PRKCSH: variants seen among roughly 807,000 people sequenced by gnomAD.
PRKCSH encodes glucosidase 2 subunit beta.
PRKCSH carries 42 observed loss-of-function variants against 79.7 expected under a neutral mutation model. That is an observed-to-expected ratio of 0.53 (90% confidence interval 0.41 to 0.68). The LOEUF is 0.68. PRKCSH is among the 30% of genes least tolerant of loss of function. The pLI, the probability that PRKCSH is intolerant of heterozygous loss-of-function variation, is 0.00. For missense variants in PRKCSH, 686 were observed against 709.0 expected (o/e 0.97, Z 0.37); for synonymous variants, 325 against 288.2 (o/e 1.13, Z -1.29).
chr19:11,436,098 G>T lies in PRKCSH; in HGVS notation c.-20G>T. On this transcript the variant is annotated 5_prime_UTR_variant, in exon 2 of 18. Transcript: ENST00000677123. ...CTTCCTCCCACAGAACCCGTTTCGG[G>T]CCTCAGAGCGTCTGGTGAGATGCTG... is the stretch of plus-strand genomic sequence containing the variant. 6.2e-7 allele frequency: 1 copy of T among 1,606,922 alleles called. No homozygotes were observed.
Position 11,448,713 on chromosome 19 carries a change from T to G in PRKCSH, c.1286+84T>G. 1.4e-6 allele frequency: 2 copies of G among 1,440,408 alleles called. No individual in the cohort carries two copies. The highest frequency in any genetic ancestry group is 2.0e-6 in the Non-Finnish European group (2 of 1,024,548). 89.2% of individuals were successfully genotyped at this position (1,440,408 alleles called of 1,614,324 possible). A position where few individuals can be genotyped will look rare whatever the true frequency, so the allele number is the denominator to read the frequency against. Reference sequence around the variant, plus strand: ...AGTGGCACCGGCAGTTTCCTGATGGTTGGGGAACCATCTGCGGGTGGGGCC... The same window carrying G: ...AGTGGCACCGGCAGTTTCCTGATGGGTGGGGAACCATCTGCGGGTGGGGCC... On this transcript the variant is annotated intron_variant, in intron 14 of 17. Transcript: ENST00000677123. The surrounding 1 kb of genome is among the most constrained non-coding windows in gnomAD (Gnocchi z 4.4).
intron 7 of PRKCSH, 23 bp downstream of exon 7, chr19:11,442,538 C>A (rs1383136395): frequency 6.2e-7 from 1 of 1,607,034 alleles, no homozygotes; most frequent in Non-Finnish European, 8.5e-7. Context: ...TGGCCAAGGA[C>A]TCACCTTCAG....
chr19:11,437,285 G>A lies in PRKCSH; in HGVS notation c.197-591G>A, dbSNP rs139738057. On this transcript the variant is annotated intron_variant, in intron 3 of 17. Coordinates refer to ENST00000677123, the MANE Select transcript of PRKCSH (RefSeq NM_001289104.2). ...GATCTCGTCACCTTGTGATCCACCC[G>A]CCTCGGCCTCCCAAAGTGTTGGGAT... is the stretch of plus-strand genomic sequence containing the variant. 1.5e-3 allele frequency among the ~76,000 whole-genome samples: 224 copies of A among 151,840 alleles called. 1 individual carries two copies. The highest frequency in any genetic ancestry group is 5.0e-3 in the African/African-American group (208 of 41,362).
rs559460587 is a variant in PRKCSH at position 11,448,085 on chromosome 19, C to T, written c.1127-137C>T. 18 of 987,472 alleles carry T rather than the reference C, an allele frequency of 1.8e-5. No individual in the cohort carries two copies. In the South Asian group the frequency reaches 2.3e-4, roughly 12 times the overall value. 61.2% of individuals were successfully genotyped at this position (987,472 alleles called of 1,614,324 possible). ...GGGGCTGCTCTATAGCTGGTGAGGC[C>T]CTCAAGGCTGTCGGGGTGAAGTCCT... is the stretch of plus-strand genomic sequence containing the variant. On this transcript the variant is annotated intron_variant, in intron 12 of 17. Coordinates refer to ENST00000677123, the MANE Select transcript of PRKCSH (RefSeq NM_001289104.2). The surrounding 1 kb of genome is among the most constrained non-coding windows in gnomAD (Gnocchi z 4.4).
Position 11,448,850 on chromosome 19 carries a change from G to C in PRKCSH, c.1287-64G>C, listed in dbSNP as rs954149697. 12 of 1,583,978 alleles carry C rather than the reference G, an allele frequency of 7.6e-6. No individual in the cohort carries two copies. Among genetic ancestry groups the C allele is most frequent in the Non-Finnish European group, 1.0e-5 (12 of 1,152,926 alleles). ...GTGGGGACTGGAGGAGGCGGTGGGG[G>C]GTGGCTGTGGGAGGAGGCTGGAATC... is the stretch of plus-strand genomic sequence containing the variant. On this transcript the variant is annotated intron_variant, in intron 14 of 17. Transcript: ENST00000677123. This position sits in a 1 kb window ranked among gnomAD's most constrained non-coding sequence, Gnocchi z 4.4.
At position 11,447,874 on chromosome 19, in the gene PRKCSH, T is replaced by C; in HGVS notation, c.1126+85T>C. Reference sequence around the variant, plus strand: ...ACAGGTCGAGGGAAGATCCTGAGCTTAGACCCTGCTCTGACTCGGCCAGCA... The same window carrying C: ...ACAGGTCGAGGGAAGATCCTGAGCTCAGACCCTGCTCTGACTCGGCCAGCA... On this transcript the variant is annotated intron_variant, in intron 12 of 17. Transcript: ENST00000677123. The surrounding 1 kb of genome is among the most constrained non-coding windows in gnomAD (Gnocchi z 5.6). 7.8e-6 allele frequency: 11 copies of C among 1,406,582 alleles called. No homozygotes were observed. The South Asian group carries it at 1.4e-4, about 18-fold the overall frequency. 87.1% of individuals were successfully genotyped at this position (1,406,582 alleles called of 1,614,324 possible). A position where few individuals can be genotyped will look rare whatever the true frequency, so the allele number is the denominator to read the frequency against.
At position 11,437,964 on chromosome 19, in the gene PRKCSH, T is replaced by C. The variant is rs749285956; in HGVS notation, c.285T>C (p.Gly95=). ...LYIPSNRVND[G]VCDCCDGTDE... is the part of the protein sequence containing the mutation. ...TCCCCTCCAACCGGGTCAACGATGG[T>C]GTTTGTGGTAAGTGAAGATGCACCA... Residue 95 remains glycine (G), a synonymous_variant, in exon 4 of 18, where the codon GGT becomes GGC. Coordinates refer to ENST00000677123, the MANE Select transcript of PRKCSH (RefSeq NM_001289104.2). The C allele has an allele frequency of 4.3e-6, 7 of 1,613,694 alleles. No individual in the cohort carries two copies. The Admixed American group carries it at 1.2e-4, about 27-fold the overall frequency.
Position 11,447,214 on chromosome 19 carries a change from C to T in PRKCSH, c.849+54C>T. 1 of 1,582,152 alleles carries T rather than the reference C, an allele frequency of 6.3e-7. No homozygotes were observed. Reference sequence around the variant, plus strand: ...GTCCTCCCACCACACTGCCCCCACCCCGCCTCACAAAGGAGCTGCCTCTGG... The same window carrying T: ...GTCCTCCCACCACACTGCCCCCACCTCGCCTCACAAAGGAGCTGCCTCTGG... On this transcript the variant is annotated intron_variant, in intron 10 of 17. Transcript: ENST00000677123. The surrounding 1 kb of genome is among the most constrained non-coding windows in gnomAD (Gnocchi z 5.6).
rs1250376366 is a variant in PRKCSH, at chr19:11,449,072, A to T, written c.1362-4A>T. 2 of 1,613,234 alleles carry T rather than the reference A, an allele frequency of 1.2e-6. No individual in the cohort carries two copies. Among genetic ancestry groups the T allele is most frequent in the Non-Finnish European group, 1.7e-6 (2 of 1,179,960 alleles). ...CAGCCCTCAGCACCCTGTGTCTCTC[A>T]CAGCACCTGGGGCTCATGGATTGGC... On this transcript the variant is annotated splice_region_variant and splice_polypyrimidine_tract_variant and intron_variant, in intron 15 of 17. Coordinates refer to ENST00000677123, the MANE Select transcript of PRKCSH (RefSeq NM_001289104.2). The surrounding 1 kb of genome is among the most constrained non-coding windows in gnomAD (Gnocchi z 6.4).
In PRKCSH at chr19:11,449,029, G is replaced by A. The variant is rs2144854650; in HGVS notation, c.1361+41G>A. ...TGGCCCCTTCCCTCTGCCTCCTCCT[G>A]GTGCCCCGACACCGGCCCAGCCCTC... On this transcript the variant is annotated intron_variant, in intron 15 of 17. Transcript: ENST00000677123. This position sits in a 1 kb window ranked among gnomAD's most constrained non-coding sequence, Gnocchi z 6.4. 1.2e-6 allele frequency: 2 copies of A among 1,612,904 alleles called. No individual in the cohort carries two copies. Among genetic ancestry groups the A allele is most frequent in the East Asian group, 4.5e-5 (2 of 44,886 alleles).
At chr19:11,437,735 G>A (rs893922146) in intron 3 of PRKCSH, 141 bp from the exon 4 acceptor site, 78 of 801,840 alleles carry the variant, frequency 9.7e-5, no homozygotes, top group Non-Finnish European at 1.5e-5. Flanking sequence ...GCTGTGCAGT[G>A]TACAACTCTT....
chr19:11,448,320 T>G lies in PRKCSH; in HGVS notation c.1196+29T>G, dbSNP rs1463037291. On this transcript the variant is annotated intron_variant, in intron 13 of 17. Transcript: ENST00000677123. This position sits in a 1 kb window ranked among gnomAD's most constrained non-coding sequence, Gnocchi z 4.4. The stretch of plus-strand genomic sequence containing the variant: ...GCGGGGGCTGAGGAGCGGGGACACC[T>G]GTCCCACAGCGACTGCTCCTTGACT... The G allele has an allele frequency of 6.4e-7, 1 of 1,563,272 alleles. No individual in the cohort carries two copies. The highest frequency in any genetic ancestry group is 2.4e-5 in the East Asian group (1 of 42,364).
In PRKCSH at chr19:11,448,594, C is replaced by T; in HGVS notation, c.1251C>T (p.Tyr417=). The T allele has an allele frequency of 6.2e-7, 1 of 1,614,218 alleles. No individual in the cohort carries two copies. The highest frequency in any genetic ancestry group is 1.6e-4 in the Middle Eastern group (1 of 6,062). Residue 417 remains tyrosine, a synonymous_variant, in exon 14 of 18, where the codon TAC becomes TAT. Coordinates refer to ENST00000677123, the MANE Select transcript of PRKCSH (RefSeq NM_001289104.2). The surrounding 1 kb of genome is among the most constrained non-coding windows in gnomAD (Gnocchi z 4.4). The part of the protein sequence containing the change: ...FDFGPNGEFA[Y]LYSQCYELTT... Reference sequence around the variant, plus strand: ...TTGGCCCCAACGGGGAGTTTGCTTACCTGTACAGCCAGTGCTACGAGCTCA... The same window carrying T: ...TTGGCCCCAACGGGGAGTTTGCTTATCTGTACAGCCAGTGCTACGAGCTCA...
At chr19:11,445,778 A>T (rs1344804436) in intron 8 of PRKCSH, 13 of 496,910 alleles carry the variant, frequency 2.6e-5, no homozygotes, top group Non-Finnish European at 4.1e-5. Context: ...CTCTGGGGAA[A>T]GCCAGACCTG....
chr19:11,444,353 C>A (rs1382448560), intron 7 of PRKCSH, among the ~76,000 whole-genome samples: 2 of 152,138 alleles, frequency 1.3e-5, no homozygotes, highest in African/African-American at 4.8e-5. Context: ...AGCCAGGGCT[C>A]CGAGGGTAGA....
Position 11,447,334 on chromosome 19 carries a change from C to A in PRKCSH, c.850-105C>A. ...CTGTCGGTCCTCCCTGCAGGCCCCG[C>A]AGGAGGGGCAGAGACACCGAGGCTG... On this transcript the variant is annotated intron_variant, in intron 10 of 17. Coordinates refer to ENST00000677123, the MANE Select transcript of PRKCSH (RefSeq NM_001289104.2). The surrounding 1 kb of genome is among the most constrained non-coding windows in gnomAD (Gnocchi z 5.6). The A allele has an allele frequency of 7.1e-7, 1 of 1,402,770 alleles. No homozygotes were observed. The allele number at this position is 1,402,770 out of a possible 1,614,324, so 86.9% of individuals were successfully genotyped here.
chr19:11,450,879 C>G lies in PRKCSH; in HGVS notation c.*250C>G, dbSNP rs1039959884. The G allele has an allele frequency of 1.3e-5, 2 of 152,472 alleles. No individual in the cohort carries two copies. Among genetic ancestry groups the G allele is most frequent in the Non-Finnish European group, 2.9e-5 (2 of 68,216 alleles). 9.4% of individuals were successfully genotyped at this position (152,472 alleles called of 1,614,324 possible). On this transcript the variant is annotated 3_prime_UTR_variant, in exon 18 of 18. Transcript: ENST00000677123. ...ACCTTGGTGACTCGCCCCACCACCC[C>G]CAGCCCTGTCCCTGCCACCCCTCCT... is the stretch of plus-strand genomic sequence containing the variant.
intron 6 of PRKCSH, among the ~76,000 whole-genome samples, chr19:11,441,800 C>T (rs565349306): frequency 6.6e-6 from 1 of 152,308 alleles, no homozygotes; most frequent in East Asian, 1.9e-4. Context: ...TCTCTCCCTG[C>T]CTTGCCTGTG....
intron 7 of PRKCSH, among the ~76,000 whole-genome samples, chr19:11,442,775 C>T (rs1245072607): frequency 6.6e-6 from 1 of 152,192 alleles, no homozygotes; most frequent in East Asian, 1.9e-4. Context: ...GATCTCAGCT[C>T]ACTGCAACCT....
Sources: gnomAD v4.1 joint callset for allele counts (sites outside exome capture counted in the v4.1 genomes callset) on GRCh38, gnomAD v4.1.1 for gene constraint, Gnocchi (gnomAD v3.1) non-coding constraint, MANE v1.5 for transcripts, NCBI Gene and HGNC (gene_info 2026-07-23, HGNC 2026-07-21) for gene names.